Variants in LAD1 observed in about 807,000 individuals in gnomAD.
The protein encoded by LAD1 is ladinin-1.
In LAD1, 53 loss-of-function variants were observed where a neutral mutation model predicts 54.2. That is an observed-to-expected ratio of 0.98 (90% CI 0.78 to 1.23). The LOEUF (loss-of-function observed/expected upper bound fraction) is 1.23, where lower values mean the gene tolerates loss of function less well. LAD1 is among the 50% of genes most tolerant of loss of function. The probability of loss-of-function intolerance (pLI) is 0.00; values close to 1 mark genes in which losing one functional copy is unlikely to be tolerated. For missense variants in LAD1, 637 were observed against 653.3 expected, an observed-to-expected ratio of 0.98 and a Z score of 0.27; for synonymous variants, 231 against 257.7, an observed-to-expected ratio of 0.90 and a Z score of 0.99.
chr1:201,399,142 G>C, intron 1 of LAD1, 127 bp downstream of exon 1: 5 of 846,492 alleles, frequency 5.9e-6, no homozygotes, highest in Non-Finnish European at 9.3e-6. Context: ...CCCGCGAGTC[G>C]CAGCAAGACC....
At chr1:201,384,100 A>G (rs1343447497) in intron 5 of LAD1, among the ~76,000 whole-genome samples, 5 of 152,056 alleles carry the variant, frequency 3.3e-5, no homozygotes, top group Non-Finnish European at 7.4e-5. Context: ...GCCAGTATGT[A>G]ATGTTCTCAT....
chr1:201,384,984 T>A, intron 4 of LAD1, 149 bp from the exon 5 acceptor site: 1 of 703,546 alleles, frequency 1.4e-6, no homozygotes, highest in South Asian at 1.8e-5. Flanking sequence ...CAAAGAAATA[T>A]GTGGACAAGC....
intron 1 of LAD1, among the ~76,000 whole-genome samples, chr1:201,393,447 T>G (rs1662231116): frequency 6.6e-6 from 1 of 152,070 alleles, no homozygotes; most frequent in Admixed American, 6.5e-5. Flanking sequence ...GAGAAGCAAA[T>G]AGCATGGAAC....
intron 1 of LAD1, among the ~76,000 whole-genome samples, chr1:201,397,640 A>G (rs772083895): frequency 6.6e-6 from 1 of 152,036 alleles, no homozygotes; most frequent in Non-Finnish European, 1.5e-5. Context: ...CTGAAGAAGG[A>G]GTGTCTGGTT....
At chr1:201,398,455 G>A (rs537802898) in intron 1 of LAD1, among the ~76,000 whole-genome samples, 6 of 152,212 alleles carry the variant, frequency 3.9e-5, no homozygotes, top group African/African-American at 1.4e-4. Context: ...GGACGGGGGC[G>A]CCCAGTGGAG....
chr1:201,397,764 T>C (rs1446780317), intron 1 of LAD1, among the ~76,000 whole-genome samples: 1 of 151,608 alleles, frequency 6.6e-6, no homozygotes, highest in Non-Finnish European at 1.5e-5. Context: ...CCCACACAGA[T>C]GTGTCATCTC....
intron 1 of LAD1, among the ~76,000 whole-genome samples, chr1:201,394,207 C>T (rs971612392): frequency 2.6e-5 from 4 of 152,200 alleles, no homozygotes; most frequent in Admixed American, 2.0e-4. Context: ...GGCTCTCCTC[C>T]TCCCTAGAAA....
rs1661987329 is a variant in LAD1 at position 201,382,698 on chromosome 1, G to T, written c.1428C>A (p.Asn476Lys). The change falls in exon 8 of 10, where the codon AAC (asparagine) becomes AAA (lysine). Residue 476 changes from asparagine (N) to lysine (K), a missense_variant. Transcript: ENST00000391967. ...ATTCCTGGGTCCTGCTGATCCACAG[G>T]TTGAGCCTTGATGTCACAACCCCTG... The part of the protein sequence containing the change: ...RLSGVVTSRL[N>K]LWISRTQESG... The T allele has an allele frequency of 6.2e-7, 1 of 1,608,470 alleles. No individual in the cohort carries two copies.
At chr1:201,384,893 C>G in intron 4 of LAD1, 58 bp from the exon 5 acceptor site, 1 of 1,557,578 alleles carries the variant, frequency 6.4e-7, no homozygotes, top group Non-Finnish European at 8.8e-7. Flanking sequence ...CGGTGGCCCC[C>G]TCGAGTGAGG....
At chr1:201,387,298 G>T in intron 2 of LAD1, 120 bp from the exon 3 acceptor site, 1 of 1,101,260 alleles carries the variant, frequency 9.1e-7, no homozygotes, top group Non-Finnish European at 1.2e-6. Context: ...TCAGGCCCTG[G>T]CCTCCCCGGC....
At chr1:201,390,833 G>T (rs1488635600) in intron 1 of LAD1, among the ~76,000 whole-genome samples, 1 of 152,180 alleles carries the variant, frequency 6.6e-6, no homozygotes, top group Non-Finnish European at 1.5e-5. Flanking sequence ...GGGTTGAACT[G>T]TACTCTGGAC....
At chr1:201,385,613 T>C in intron 4 of LAD1, 88 bp downstream of exon 4, 2 of 978,370 alleles carry the variant, frequency 2.0e-6, no homozygotes, top group Non-Finnish European at 3.3e-6. Flanking sequence ...CCTTCCTACC[T>C]AACCTACGGC....
rs772398388 is a variant in LAD1 at position 201,382,265 on chromosome 1, G to C, written c.1535C>G (p.Ser512Trp). The change falls in exon 9 of 10, where the codon TCG becomes TGG. Residue 512 changes from serine (S) to tryptophan (W), a missense_variant. Ser to Trp is a radical substitution (Grantham distance 177, BLOSUM62 -3). Coordinates refer to ENST00000391967, the MANE Select transcript of LAD1 (RefSeq NM_005558.4). ...CCCACCATTCACCTCAGCGTCCAGC[G>C]AGGAGTCAGATTTCTGTCCCCACTG... ...RTQWGQKSDS[S>W]LDAEV 4.3e-6 allele frequency: 7 copies of C among 1,613,440 alleles called. No homozygotes were observed. The highest frequency in any genetic ancestry group is 1.7e-5 in the Admixed American group (1 of 60,014).
Position 201,386,210 on chromosome 1 carries a change from C to T in LAD1, c.1026+125G>A, listed in dbSNP as rs1282823572. 4 of 1,020,820 alleles carry T rather than the reference C, an allele frequency of 3.9e-6. No individual in the cohort carries two copies. In the East Asian group the frequency reaches 1.1e-4, roughly 28 times the overall value. The allele number at this position is 1,020,820 out of a possible 1,614,324, so 63.2% of individuals were successfully genotyped here. A position where few individuals can be genotyped will look rare whatever the true frequency, so the allele number is the denominator to read the frequency against. ...AGCAGGCAGGGAAAGAAGAGACTTC[C>T]AAGGCCAGCCTGCAGGTAGGAGGAT... is the stretch of plus-strand genomic sequence containing the variant. On this transcript the variant is annotated intron_variant, in intron 3 of 9. Coordinates refer to ENST00000391967, the MANE Select transcript of LAD1 (RefSeq NM_005558.4).
Position 201,389,157 on chromosome 1 carries a change from T to C in LAD1, c.182+3A>G, listed in dbSNP as rs747114795. 1 of 1,613,614 alleles carries C rather than the reference T, an allele frequency of 6.2e-7. No individual in the cohort carries two copies. The highest frequency in any genetic ancestry group is 8.5e-7 in the Non-Finnish European group (1 of 1,179,588). ...CCATCAGGATAGAAACCTGAGCACC[T>C]ACCTCTCAGAAGCAGAGGCCTGCCG... On this transcript the variant is annotated splice_donor_region_variant and intron_variant, in intron 2 of 9. Coordinates refer to ENST00000391967, the MANE Select transcript of LAD1 (RefSeq NM_005558.4).
intron 1 of LAD1, among the ~76,000 whole-genome samples, chr1:201,389,928 C>A (rs1202744229): frequency 1.3e-5 from 2 of 152,026 alleles, no homozygotes; most frequent in Non-Finnish European, 2.9e-5. Flanking sequence ...TTTGTTTTTT[C>A]CTTTTTTTTG....
intron 3 of LAD1, 79 bp from the exon 4 acceptor site, chr1:201,385,884 C>T (rs1199355344): frequency 1.0e-6 from 1 of 999,258 alleles, no homozygotes; most frequent in Non-Finnish European, 1.6e-6. Context: ...CATGGCTCAC[C>T]CCAGGAGCTG....
Position 201,385,684 on chromosome 1 carries a change from G to A in LAD1, c.1131+17C>T, listed in dbSNP as rs748371113. On this transcript the variant is annotated intron_variant, in intron 4 of 9. Transcript: ENST00000391967. ...GCCCTCCAGTGGCTCGCAGACCAGG[G>A]TGCCCAGGGCTCTCACCCGAAAGGA... The A allele has an allele frequency of 3.8e-6, 6 of 1,585,392 alleles. No individual in the cohort carries two copies. In the South Asian group the frequency reaches 4.4e-5, roughly 12 times the overall value.
In LAD1 at chr1:201,383,368, G is replaced by T; in HGVS notation, c.1197C>A (p.Asp399Glu). The change falls in exon 6 of 10, where the codon GAC becomes GAA. Residue 399 changes from aspartate (D) to glutamate (E), a missense_variant. Asp to Glu is a conservative substitution (Grantham distance 45). Coordinates refer to ENST00000391967, the MANE Select transcript of LAD1 (RefSeq NM_005558.4). Reference sequence around the variant, plus strand: ...GCTTCTCTCCCAACTTCACTGTGTTGTCTGGGAGCTTCATGCTGGCACTGC... The same window carrying T: ...GCTTCTCTCCCAACTTCACTGTGTTTTCTGGGAGCTTCATGCTGGCACTGC... Reference protein sequence around the residue: ...LTRSASMKLPDNTVKLGEKLE... With the variant: ...LTRSASMKLPENTVKLGEKLE... The T allele has an allele frequency of 6.2e-7, 1 of 1,614,050 alleles. No homozygotes were observed. Among genetic ancestry groups the T allele is most frequent in the Non-Finnish European group, 8.5e-7 (1 of 1,180,014 alleles).
Sources: allele counts gnomAD v4.1 joint callset (sites outside exome capture counted in the v4.1 genomes callset), GRCh38; gene constraint gnomAD v4.1.1; transcripts MANE v1.5; gene names NCBI Gene and HGNC (gene_info 2026-07-23, HGNC 2026-07-21).